The following CDYL variants were observed in gnomAD, a reference collection of about 807,000 sequenced individuals.
CDYL encodes chromodomain Y like, also known as chromodomain Y-like protein.
CDYL carries 8 observed loss-of-function variants against 47.3 expected under a neutral mutation model. That is an observed-to-expected ratio of 0.17 (90% CI 0.10 to 0.31). The LOEUF is 0.31. Among genes scored for constraint, CDYL ranks in the 10% least tolerant of loss-of-function variants. CDYL has a pLI of 1.00. For synonymous variants in CDYL, 266 were observed against 265.0 expected, an observed-to-expected ratio of 1.00 and a Z score of -0.04; for missense variants, 471 against 701.4, an observed-to-expected ratio of 0.67 and a Z score of 3.71.
Position 4,935,549 on chromosome 6 carries a change from T to C in CDYL, c.726T>C (p.Asn242=), listed in dbSNP as rs1758165508. ...TSPFMDALTA[N]GTTNIQTSVT... is the part of the protein sequence containing the mutation. ...CGTTCATGGATGCATTAACAGCCAA[T>C]GGGACAACCAACATACAGACATCTG... Residue 242 remains asparagine (N), a synonymous_variant, in exon 3 of 7, where the codon AAT becomes AAC. Transcript: ENST00000397588. The C allele has an allele frequency of 6.2e-7, 1 of 1,614,224 alleles. No individual in the cohort carries two copies. The highest frequency in any genetic ancestry group is 1.3e-5 in the African/African-American group (1 of 75,062).
chr6:4,796,651 A>T (rs1759080272), intron 1 of CDYL, among the ~76,000 whole-genome samples: 1 of 152,156 alleles, frequency 6.6e-6, no homozygotes. Flanking sequence ...TTTTTCCCTT[A>T]AAATGTGTTT....
At chr6:4,883,286 C>T (rs1248506505) in intron 1 of CDYL, among the ~76,000 whole-genome samples, 1 of 152,156 alleles carries the variant, frequency 6.6e-6, no homozygotes, top group African/African-American at 2.4e-5. Flanking sequence ...CAGAACCACC[C>T]CTAGAGCCTT....
intron 3 of CDYL, among the ~76,000 whole-genome samples, chr6:4,763,085 T>C (rs1379816875): frequency 6.6e-6 from 1 of 152,144 alleles, no homozygotes; most frequent in African/African-American, 2.4e-5. Flanking sequence ...ATAGCAGATT[T>C]CTCAATGGAA....
In CDYL at chr6:4,716,593, ATTTT is replaced by A. The variant is rs35154777; in HGVS notation, c.103+729_103+732del. Among the ~76,000 whole-genome samples, 666 of 119,970 alleles carry A rather than the reference ATTTT, an allele frequency of 5.6e-3. 4 individuals are homozygous for A. The highest frequency in any genetic ancestry group is 0.02 in the African/African-American group (620 of 30,998). The allele number at this position is 119,970 out of a possible 152,430, so 78.7% of individuals were successfully genotyped here. On this transcript the variant is annotated intron_variant, in intron 2 of 8. Coordinates refer to the CDYL transcript ENST00000328908. ...ACAAGCGTCAGAGAAGGCAGCAATA[ATTTT>A]TTTTTTTTTTTTTTTTGCCTCATCT...
chr6:4,809,677 T>C (rs576442094), intron 1 of CDYL, among the ~76,000 whole-genome samples: 24 of 142,518 alleles, frequency 1.7e-4, no homozygotes, highest in East Asian at 8.7e-4. Context: ...CTTGGCGATA[T>C]TTTGTATGGT....
intron 2 of CDYL, among the ~76,000 whole-genome samples, chr6:4,914,985 T>C (rs1184280794): frequency 6.6e-6 from 1 of 152,236 alleles, no homozygotes; most frequent in African/African-American, 2.4e-5. Flanking sequence ...CTTGCCTTTA[T>C]TCACTGTGCC....
intron 2 of CDYL, among the ~76,000 whole-genome samples, chr6:4,920,995 C>CTGTGTGTGTGTGTG (rs112009340): frequency 1.0e-4 from 15 of 150,676 alleles, no homozygotes; most frequent in South Asian, 2.1e-4. Flanking sequence ...CATGATACAT[C>CTGTGTGTGTGTGTG]TGTGTGTGTG....
intron 1 of CDYL, among the ~76,000 whole-genome samples, chr6:4,802,336 G>T (rs915909666): frequency 4.6e-5 from 7 of 152,126 alleles, no homozygotes; most frequent in Non-Finnish European, 1.0e-4. Context: ...CCAGGAGTTT[G>T]AGACAAGCCT....
intron 3 of CDYL, among the ~76,000 whole-genome samples, chr6:4,738,416 G>A (rs1265757901): frequency 7.5e-6 from 1 of 133,768 alleles, no homozygotes; most frequent in Admixed American, 7.6e-5. Flanking sequence ...ACAAATGCAG[G>A]AAAAGTTGTA....
At chr6:4,826,812 G>C (rs551542929) in intron 1 of CDYL, among the ~76,000 whole-genome samples, 3 of 152,350 alleles carry the variant, frequency 2.0e-5, no homozygotes, top group Non-Finnish European at 2.9e-5. Flanking sequence ...ATATTCTGCT[G>C]TTTGGTGAAG....
chr6:4,945,123 G>T (rs1025267166), intron 5 of CDYL, among the ~76,000 whole-genome samples: 3 of 152,162 alleles, frequency 2.0e-5, no homozygotes, highest in African/African-American at 4.8e-5. Flanking sequence ...CCCAGGATGG[G>T]CTCCTGGGCC....
At position 4,794,027 on chromosome 6, in the gene CDYL, C is replaced by T. The variant is rs1339312267; in HGVS notation, c.24+17220C>T. Among the ~76,000 whole-genome samples the T allele has an allele frequency of 2.6e-5, 4 of 152,030 alleles. No homozygotes were observed. The East Asian group carries it at 5.8e-4, about 22-fold the overall frequency. The stretch of plus-strand genomic sequence containing the variant: ...AGCGGCTGGGCAGCTGTGAACTACA[C>T]AGGATTATAGTTCAGGGCAGGAGAG... On this transcript the variant is annotated intron_variant, in intron 1 of 6. Transcript: ENST00000397588.
chr6:4,725,746 G>A (rs910231352), intron 2 of CDYL, among the ~76,000 whole-genome samples: 6 of 152,252 alleles, frequency 3.9e-5, no homozygotes, highest in Non-Finnish European at 8.8e-5. Context: ...CCCAGAAAGG[G>A]GCTCCCACAG....
intron 2 of CDYL, among the ~76,000 whole-genome samples, chr6:4,716,593 A>ATTTTTTTTTTTTTTTTTTTTT (rs35154777): frequency 4.2e-5 from 5 of 120,004 alleles, no homozygotes; most frequent in Non-Finnish European, 6.8e-5. Flanking sequence ...GGCAGCAATA[A>ATTTTTTTTTTTTTTTTTTTTT]TTTTTTTTTT....
At chr6:4,716,404 C>T (rs989025715) in intron 2 of CDYL, among the ~76,000 whole-genome samples, 3 of 151,990 alleles carry the variant, frequency 2.0e-5, no homozygotes, top group Admixed American at 2.0e-4. Flanking sequence ...ATCTGGCTTC[C>T]CTAAATAAAT....
At chr6:4,782,296 T>G (rs542364561) in intron 1 of CDYL, among the ~76,000 whole-genome samples, 141 of 152,330 alleles carry the variant, frequency 9.3e-4, no homozygotes, top group African/African-American at 3.3e-3. Context: ...ATTCATTTTC[T>G]GGTCATTATT....
chr6:4,838,789 C>A (rs1287739439), intron 1 of CDYL, among the ~76,000 whole-genome samples: 1 of 151,968 alleles, frequency 6.6e-6, no homozygotes, highest in Non-Finnish European at 1.5e-5. Flanking sequence ...CGGGTTCAAG[C>A]GATTCTCCTG....
intron 3 of CDYL, among the ~76,000 whole-genome samples, chr6:4,764,663 C>G (rs1472125609): frequency 2.0e-5 from 3 of 152,160 alleles, no homozygotes; most frequent in African/African-American, 7.2e-5. Context: ...AAAATGCTTC[C>G]TTCACCAGAT....
At position 4,897,833 on chromosome 6, in the gene CDYL, G is replaced by A. The variant is rs564108229; in HGVS notation, c.691+5454G>A. 1.8e-4 allele frequency among the ~76,000 whole-genome samples: 27 copies of A among 148,428 alleles called. No homozygotes were observed. In the South Asian group the frequency reaches 2.3e-3, roughly 13 times the overall value. ...ATCCAGGCATGAGGCCAAGGCGGGC[G>A]GATCATGAGGTCAGGAGATCAAGAC... is the stretch of plus-strand genomic sequence containing the variant. On this transcript the variant is annotated intron_variant, in intron 2 of 6. Coordinates refer to ENST00000397588, the MANE Select transcript of CDYL (RefSeq NM_004824.4).
Sources: gnomAD v4.1 joint callset for allele counts (sites outside exome capture counted in the v4.1 genomes callset) on GRCh38, gnomAD v4.1.1 for gene constraint, MANE v1.5 for transcripts, NCBI Gene and HGNC (gene_info 2026-07-23, HGNC 2026-07-21) for gene names.